Variants in L3MBTL3 observed in about 807,000 individuals in gnomAD.
The protein encoded by L3MBTL3 is lethal(3)malignant brain tumor-like protein 3.
In L3MBTL3, 27 loss-of-function variants were observed where a neutral mutation model predicts 102.3. The observed-to-expected ratio is 0.26, with a 90% confidence interval of 0.19 to 0.36. The LOEUF (loss-of-function observed/expected upper bound fraction) is 0.36, where lower values mean the gene tolerates loss of function less well. Among genes scored for constraint, L3MBTL3 ranks in the 10% least tolerant of loss-of-function variants. The pLI, the probability that L3MBTL3 is intolerant of heterozygous loss-of-function variation, is 1.00. For missense variants in L3MBTL3, 798 were observed against 955.3 expected, an observed-to-expected ratio of 0.84 and a Z score of 2.17; for synonymous variants, 340 against 320.9, an observed-to-expected ratio of 1.06 and a Z score of -0.64.
chr6:130,112,741 G>A (rs1194140407), intron 19 of L3MBTL3, among the ~76,000 whole-genome samples: 1 of 148,014 alleles, frequency 6.8e-6, no homozygotes, highest in African/African-American at 2.5e-5. Context: ...CACCTGGTAT[G>A]CCGAATGCTT....
Position 130,133,893 on chromosome 6 carries a change from A to G in L3MBTL3, c.2187A>G (p.Val729=). The G allele has an allele frequency of 6.2e-7, 1 of 1,612,180 alleles. No individual in the cohort carries two copies. The highest frequency in any genetic ancestry group is 2.2e-5 in the East Asian group (1 of 44,832). Residue 729 remains valine (V), a synonymous_variant, in exon 22 of 23, where the codon GTA becomes GTG. Transcript: ENST00000361794. This position sits in a 1 kb window ranked among gnomAD's most constrained non-coding sequence, Gnocchi z 4.9. ...CTGGGTGTGAAGAACATGGAAAGGT[A>G]TTTAAAGATGAAGTAAGTATTCCAC... is the stretch of plus-strand genomic sequence containing the variant. ...SLPGCEEHGK[V]FKDEQIDGEA...
At chr6:130,028,115 T>TC (rs1779473759) in intron 2 of L3MBTL3, among the ~76,000 whole-genome samples, 1 of 151,996 alleles carries the variant, frequency 6.6e-6, no homozygotes, top group Admixed American at 6.6e-5. Flanking sequence ...CATTTTCTGT[T>TC]CCTTCTTTAG....
chr6:130,043,454 C>A (rs561717840), intron 3 of L3MBTL3, among the ~76,000 whole-genome samples: 1 of 152,318 alleles, frequency 6.6e-6, no homozygotes, highest in East Asian at 1.9e-4. Flanking sequence ...AGGACCACTT[C>A]TGTTGTCCCA....
intron 11 of L3MBTL3, among the ~76,000 whole-genome samples, chr6:130,067,908 T>C (rs1311598654): frequency 6.6e-6 from 1 of 152,194 alleles, no homozygotes; most frequent in Non-Finnish European, 1.5e-5. Flanking sequence ...TTTACCTGTT[T>C]CATTTCTATT....
chr6:130,044,473 T>TC (rs1183815404), intron 3 of L3MBTL3, among the ~76,000 whole-genome samples: 1 of 152,218 alleles, frequency 6.6e-6, no homozygotes. Flanking sequence ...GAGTGAAGTT[T>TC]CCATCCCTAA....
At chr6:130,112,313 A>C (rs1382420962) in intron 19 of L3MBTL3, among the ~76,000 whole-genome samples, 1 of 152,120 alleles carries the variant, frequency 6.6e-6, no homozygotes, top group African/African-American at 2.4e-5. Flanking sequence ...CGAACCATCC[A>C]TCTGTCTTCC....
chr6:130,065,305 G>T (rs928669388), intron 10 of L3MBTL3, among the ~76,000 whole-genome samples: 1 of 151,972 alleles, frequency 6.6e-6, no homozygotes, highest in Non-Finnish European at 1.5e-5. Context: ...ATGCATATGT[G>T]TGTATATTAA....
chr6:130,134,420 A>G (rs1047408905), intron 22 of L3MBTL3, among the ~76,000 whole-genome samples: 1 of 152,202 alleles, frequency 6.6e-6, no homozygotes, highest in Non-Finnish European at 1.5e-5. Context: ...ATCACAGTCC[A>G]CTTTTGGAAG....
chr6:130,108,685 T>C (rs1162440508), intron 19 of L3MBTL3, among the ~76,000 whole-genome samples: 1 of 152,072 alleles, frequency 6.6e-6, no homozygotes, highest in Non-Finnish European at 1.5e-5. Context: ...ATTTGGTATT[T>C]ATTTATTTAT....
At chr6:130,081,702 G>A (rs1438791942) in intron 14 of L3MBTL3, among the ~76,000 whole-genome samples, 1 of 151,910 alleles carries the variant, frequency 6.6e-6, no homozygotes, top group Non-Finnish European at 1.5e-5. Context: ...TGGGATTACA[G>A]GCGTGAGCCA....
At chr6:130,047,389 A>G (rs1026503456) in intron 3 of L3MBTL3, among the ~76,000 whole-genome samples, 8 of 152,158 alleles carry the variant, frequency 5.3e-5, no homozygotes, top group African/African-American at 1.7e-4. Context: ...TTTAACTTTG[A>G]AAGTATTTGA....
chr6:130,041,050 G>T (rs777987153), intron 2 of L3MBTL3, among the ~76,000 whole-genome samples: 11 of 152,232 alleles, frequency 7.2e-5, no homozygotes, highest in Non-Finnish European at 1.3e-4. Flanking sequence ...CAAAGAATGT[G>T]TGAGTATTTT....
At chr6:130,048,924 AAAT>A (rs1780890896) in intron 3 of L3MBTL3, among the ~76,000 whole-genome samples, 1 of 145,828 alleles carries the variant, frequency 6.9e-6, no homozygotes, top group South Asian at 2.2e-4. Flanking sequence ...ACGTAAGAAA[AAAT>A]AAGTCTTAGT....
chr6:130,138,761 A>G (rs1189482693), intron 22 of L3MBTL3, among the ~76,000 whole-genome samples: 2 of 142,040 alleles, frequency 1.4e-5, no homozygotes, highest in African/African-American at 4.9e-5. Context: ...GAAAACTGAA[A>G]GGGAAACTTT....
intron 22 of L3MBTL3, among the ~76,000 whole-genome samples, chr6:130,134,376 T>C (rs1257225231): frequency 6.6e-6 from 1 of 152,244 alleles, no homozygotes; most frequent in Non-Finnish European, 1.5e-5. Flanking sequence ...TTAAGTCATA[T>C]ACATTCCTCA....
intron 19 of L3MBTL3, 51 bp from the exon 20 acceptor site, chr6:130,120,828 T>C (rs1434008921): frequency 7.1e-7 from 1 of 1,407,276 alleles, no homozygotes; most frequent in Admixed American, 1.7e-5. Flanking sequence ...TTCTGAACCA[T>C]TTTTTTAAAA....
In L3MBTL3 at chr6:130,060,134, C is replaced by T. The variant is rs748257535; in HGVS notation, c.858C>T (p.Val286=). The T allele has an allele frequency of 5.2e-5, 83 of 1,585,072 alleles. No homozygotes were observed. The highest frequency in any genetic ancestry group is 1.7e-4 in the Middle Eastern group (1 of 6,012). The change falls in exon 10 of 23, where the codon GTC becomes GTT. Residue 286 remains valine, a synonymous_variant. Coordinates refer to ENST00000361794, the MANE Select transcript of L3MBTL3 (RefSeq NM_032438.4). ...EHQSVYCVLT[V]AEVCGYRIKL... ...AGTCTGTGTACTGTGTCCTCACCGT[C>T]GCGGAGGTAAGCTTTGCCTCGTCCT...
intron 14 of L3MBTL3, 28 bp downstream of exon 14, chr6:130,078,662 C>G: frequency 6.9e-7 from 1 of 1,445,684 alleles, no homozygotes; most frequent in Non-Finnish European, 9.7e-7. Flanking sequence ...GTGGCTAATA[C>G]TATTCGTAGA....
chr6:130,077,802 T>G (rs1783052467), intron 13 of L3MBTL3, among the ~76,000 whole-genome samples: 1 of 152,202 alleles, frequency 6.6e-6, no homozygotes, highest in Admixed American at 6.6e-5. Flanking sequence ...GACCTCCTAG[T>G]TAGTATAGCA....
Sources: allele counts gnomAD v4.1 joint callset (sites outside exome capture counted in the v4.1 genomes callset), GRCh38; gene constraint gnomAD v4.1.1; non-coding constraint Gnocchi (gnomAD v3.1); transcripts MANE v1.5; gene names NCBI Gene and HGNC (gene_info 2026-07-23, HGNC 2026-07-21).